The following SGCE variants were observed in gnomAD, a reference collection of about 807,000 sequenced individuals.
SGCE encodes epsilon-sarcoglycan.
In SGCE, 26 loss-of-function variants were observed where a neutral mutation model predicts 57.8. The observed-to-expected ratio is 0.45, with a 90% CI of 0.33 to 0.62. The LOEUF (loss-of-function observed/expected upper bound fraction) is 0.62. Ranked by LOEUF, SGCE falls within the 20% of genes least tolerant of loss-of-function variation. The pLI is 0.02. For synonymous variants in SGCE, 183 were observed against 189.5 expected (o/e 0.97, Z 0.28); for missense variants, 468 against 548.6 (o/e 0.85, Z 1.47).
At chr7:94,654,100 G>A (rs369820619) in intron 1 of SGCE, among the ~76,000 whole-genome samples, 1 of 152,086 alleles carries the variant, frequency 6.6e-6, no homozygotes, top group African/African-American at 2.4e-5. Flanking sequence ...TGGTGTTATT[G>A]CAGGGTGAAT....
intron 4 of SGCE, chr7:94,620,071 A>G (rs1202566556): frequency 6.6e-6 from 1 of 152,202 alleles, no homozygotes; most frequent in Admixed American, 6.5e-5. Context: ...TAATTACACT[A>G]TGTATATCCT....
At chr7:94,653,915 A>G (rs1278590983) in intron 1 of SGCE, among the ~76,000 whole-genome samples, 4 of 152,070 alleles carry the variant, frequency 2.6e-5, no homozygotes, top group African/African-American at 4.8e-5. Flanking sequence ...CTCCAAACTT[A>G]ATGTTATTTA....
At chr7:94,647,350 T>C (rs564750562) in intron 1 of SGCE, among the ~76,000 whole-genome samples, 2 of 152,292 alleles carry the variant, frequency 1.3e-5, no homozygotes, top group African/African-American at 4.8e-5. Flanking sequence ...TCACTTCTGT[T>C]GGTTTTTACC....
At chr7:94,622,056 T>A (rs1802878558) in intron 4 of SGCE, 1 of 152,238 alleles carries the variant, frequency 6.6e-6, no homozygotes, top group Admixed American at 6.5e-5. Flanking sequence ...CATACACGTT[T>A]AATTTTACAG....
At chr7:94,635,014 T>C (rs1384488138) in intron 1 of SGCE, among the ~76,000 whole-genome samples, 1 of 152,192 alleles carries the variant, frequency 6.6e-6, no homozygotes, top group Non-Finnish European at 1.5e-5. Context: ...AAATGATATG[T>C]TGCCCTTAGT....
At chr7:94,603,206 TA>T in intron 6 of SGCE, 83 bp downstream of exon 6, 1 of 1,072,994 alleles carries the variant, frequency 9.3e-7, no homozygotes, top group Non-Finnish European at 1.4e-6. Context: ...GATTTATTCC[TA>T]AAAGCAGTTC....
At chr7:94,638,649 A>G (rs1805946355) in intron 1 of SGCE, among the ~76,000 whole-genome samples, 1 of 152,182 alleles carries the variant, frequency 6.6e-6, no homozygotes, top group African/African-American at 2.4e-5. Flanking sequence ...CAAAAAAAAA[A>G]AAAAGAAATA....
chr7:94,643,126 T>C (rs1032379132), intron 1 of SGCE, among the ~76,000 whole-genome samples: 1 of 152,228 alleles, frequency 6.6e-6, no homozygotes, highest in South Asian at 2.1e-4. Context: ...TAAGAATTAT[T>C]GTTCAGAGTT....
In SGCE at chr7:94,603,373, A is replaced by G; in HGVS notation, c.742T>C (p.Cys248Arg). ...EVENPQNQLRCSQEMEPVITC... is the reference protein window; with the variant it reads ...EVENPQNQLRRSQEMEPVITC... Reference sequence around the variant, plus strand: ...ATTACAGGCTCCATTTCTTGACTACATCTCAATTGATTCTGTGGATTTTCA... The same window carrying G: ...ATTACAGGCTCCATTTCTTGACTACGTCTCAATTGATTCTGTGGATTTTCA... Residue 248 changes from cysteine to arginine, a missense_variant, in exon 6 of 11, where the codon TGT becomes CGT. By Grantham distance (180) the Cys-to-Arg change is radical. Coordinates refer to ENST00000648936, the MANE Select transcript of SGCE (RefSeq NM_003919.3). 6.2e-7 allele frequency: 1 copy of G among 1,612,694 alleles called. No individual in the cohort carries two copies. The highest frequency in any genetic ancestry group is 8.5e-7 in the Non-Finnish European group (1 of 1,178,868).
intron 5 of SGCE, among the ~76,000 whole-genome samples, chr7:94,603,878 A>G (rs1799651452): frequency 6.6e-6 from 1 of 152,118 alleles, no homozygotes; most frequent in African/African-American, 2.4e-5. Context: ...CATTTCACTT[A>G]ATTTTCTTGT....
intron 5 of SGCE, among the ~76,000 whole-genome samples, chr7:94,604,847 ATATATATATAT>A (rs1463029067): frequency 5.8e-4 from 47 of 80,936 alleles, no homozygotes; most frequent in Non-Finnish European, 1.0e-3. Flanking sequence ...ATATATATAT[ATATATATATAT>A]AATAGTTGTT....
At chr7:94,615,204 C>CA (rs1801693049) in intron 5 of SGCE, among the ~76,000 whole-genome samples, 2 of 152,040 alleles carry the variant, frequency 1.3e-5, no homozygotes, top group South Asian at 4.2e-4. Context: ...ACTGAAAATA[C>CA]AAAAATTAGC....
intron 1 of SGCE, among the ~76,000 whole-genome samples, chr7:94,633,547 T>A (rs1019530558): frequency 2.0e-5 from 3 of 152,082 alleles, no homozygotes; most frequent in Non-Finnish European, 4.4e-5. Flanking sequence ...GTATAGAATC[T>A]GCAGCCATTT....
Position 94,628,318 on chromosome 7 carries a change from T to G in SGCE, c.274A>C (p.Met92Leu), listed in dbSNP as rs751883227. 1 of 1,611,462 alleles carries G rather than the reference T, an allele frequency of 6.2e-7. No individual in the cohort carries two copies. The highest frequency in any genetic ancestry group is 1.7e-5 in the Admixed American group (1 of 59,744). Residue 92 changes from methionine (M) to leucine (L), a missense_variant, in exon 3 of 11, where the codon ATG (methionine) becomes CTG (leucine). Coordinates refer to ENST00000648936, the MANE Select transcript of SGCE (RefSeq NM_003919.3). ...NDPITFNTNLMGYPDRPGWLR... is the reference protein window; with the variant it reads ...NDPITFNTNLLGYPDRPGWLR... ...CATCCAGGTCGGTCTGGGTAACCCA[T>G]TAAATTTGTATTAAATGTTATGGGA...
chr7:94,619,083 G>A (rs965815263), intron 4 of SGCE, 127 bp from the exon 5 acceptor site: 31 of 711,890 alleles, frequency 4.4e-5, no homozygotes, highest in Non-Finnish European at 6.8e-5. Context: ...TATTAATACT[G>A]ACTTTAAAGG....
chr7:94,586,913 T>C (rs1796985900), intron 10 of SGCE: 6 of 983,370 alleles, frequency 6.1e-6, no homozygotes, highest in African/African-American at 1.8e-5. Flanking sequence ...TTTTGGGGAC[T>C]CACTAAATAA....
chr7:94,637,378 A>T (rs991142733), intron 1 of SGCE, among the ~76,000 whole-genome samples: 3 of 152,254 alleles, frequency 2.0e-5, no homozygotes, highest in African/African-American at 7.2e-5. Flanking sequence ...ATGAGAAGAA[A>T]GAAAAATAAT....
intron 5 of SGCE, among the ~76,000 whole-genome samples, chr7:94,607,958 C>T (rs1244666589): frequency 1.3e-5 from 2 of 152,174 alleles, no homozygotes; most frequent in East Asian, 1.9e-4. Flanking sequence ...CATCAAAATA[C>T]ATGAGGCAAG....
intron 5 of SGCE, among the ~76,000 whole-genome samples, chr7:94,605,658 AAGAC>A (rs1229629956): frequency 2.0e-5 from 3 of 152,248 alleles, no homozygotes; most frequent in South Asian, 2.1e-4. Flanking sequence ...CAATCAGTAA[AAGAC>A]AGTTTAAAAA....
Sources: allele counts gnomAD v4.1 joint callset (sites outside exome capture counted in the v4.1 genomes callset), GRCh38; gene constraint gnomAD v4.1.1; transcripts MANE v1.5; gene names NCBI Gene and HGNC (gene_info 2026-07-23, HGNC 2026-07-21).